The following ZNF473 variants were observed in gnomAD, a reference collection of about 807,000 sequenced individuals.
The protein encoded by ZNF473 is zinc finger protein 100 homolog.
ZNF473 carries 4 observed loss-of-function variants against 11.1 expected under a neutral mutation model. The observed-to-expected ratio is 0.36, with a 90% confidence interval of 0.18 to 0.82. The LOEUF (loss-of-function observed/expected upper bound fraction) is 0.82, where lower values mean the gene tolerates loss of function less well. Ranked by LOEUF, ZNF473 falls within the 40% of genes least tolerant of loss-of-function variation. The probability of loss-of-function intolerance (pLI) is 0.49; values close to 1 mark genes in which losing one functional copy is unlikely to be tolerated. For missense variants in ZNF473, 854 were observed against 1,084.0 expected (o/e 0.79, Z 2.98); for synonymous variants, 404 against 390.4 (o/e 1.03, Z -0.41).
intron 2 of ZNF473, among the ~76,000 whole-genome samples, chr19:50,037,945 G>A (rs1451436766): frequency 6.6e-6 from 1 of 150,860 alleles, no homozygotes; most frequent in African/African-American, 2.4e-5. Context: ...AATAAAAGGA[G>A]AGTCAAGCAT....
In ZNF473 at chr19:50,043,647, G is replaced by A. The variant is rs192620611; in HGVS notation, c.227-1023G>A. 4.6e-5 allele frequency among the ~76,000 whole-genome samples: 7 copies of A among 152,076 alleles called. No individual in the cohort carries two copies. The East Asian group carries it at 9.7e-4, about 21-fold the overall frequency. On this transcript the variant is annotated intron_variant, in intron 4 of 4. Coordinates refer to ENST00000270617, the MANE Select transcript of ZNF473 (RefSeq NM_015428.4). The stretch of plus-strand genomic sequence containing the variant: ...TGTCCTGTGAATCTTTCTCGTGGCC[G>A]CCTCTGTGGCAGTGGATGGATGAGC...
chr19:50,037,458 G>C (rs1459720165), intron 2 of ZNF473, among the ~76,000 whole-genome samples: 1 of 152,102 alleles, frequency 6.6e-6, no homozygotes, highest in Non-Finnish European at 1.5e-5. Flanking sequence ...CCTAGAGATG[G>C]GGTGTGTGGG....
At chr19:50,033,765 C>T (rs1392490817) in intron 2 of ZNF473, among the ~76,000 whole-genome samples, 1 of 152,150 alleles carries the variant, frequency 6.6e-6, no homozygotes, top group Non-Finnish European at 1.5e-5. Context: ...TGGAGGCTGC[C>T]TATATTCATT....
At chr19:50,031,147 C>T in intron 2 of ZNF473, 56 bp downstream of exon 2, 1 of 1,555,382 alleles carries the variant, frequency 6.4e-7, no homozygotes, top group Non-Finnish European at 8.7e-7. Flanking sequence ...GAAAAATTGG[C>T]CTTCCTTTGT....
chr19:50,044,311 G>A (rs112102079), intron 4 of ZNF473, among the ~76,000 whole-genome samples: 38 of 152,286 alleles, frequency 2.5e-4, no homozygotes, highest in African/African-American at 7.9e-4. Flanking sequence ...TGGGGAGAGC[G>A]GGGTGTTGTC....
At chr19:50,030,854 G>A (rs1233914796) in intron 1 of ZNF473, 38 bp from the exon 2 acceptor site, 2 of 613,960 alleles carry the variant, frequency 3.3e-6, no homozygotes, top group Non-Finnish European at 5.8e-6. Flanking sequence ...TGGGGCTGAG[G>A]TGGCTTCAGT....
rs1256933077 is a variant in ZNF473 at position 50,047,313 on chromosome 19, C to T, written c.*254C>T. ...CCTCTGCCATCTACTACCTAAGTGA[C>T]CTTGGGAAGGTCAGAAAAATCTCTC... is the stretch of plus-strand genomic sequence containing the variant. On this transcript the variant is annotated 3_prime_UTR_variant, in exon 5 of 5. Transcript: ENST00000270617. 1.2e-5 allele frequency: 5 copies of T among 410,514 alleles called. No homozygotes were observed. The highest frequency in any genetic ancestry group is 2.2e-5 in the Non-Finnish European group (5 of 224,738). 25.4% of individuals were successfully genotyped at this position (410,514 alleles called of 1,614,324 possible). A position where few individuals can be genotyped will look rare whatever the true frequency, so the allele number is the denominator to read the frequency against.
chr19:50,028,094 C>T (rs1041768095), intron 1 of ZNF473, among the ~76,000 whole-genome samples: 15 of 151,878 alleles, frequency 9.9e-5, no homozygotes, highest in Admixed American at 6.6e-5. Context: ...GTCAGGAGAT[C>T]GAGACCATCC....
At chr19:50,028,632 G>A (rs2077300689) in intron 1 of ZNF473, among the ~76,000 whole-genome samples, 1 of 152,118 alleles carries the variant, frequency 6.6e-6, no homozygotes, top group Non-Finnish European at 1.5e-5. Flanking sequence ...ACTGGTGGGG[G>A]AGCTTTAAAT....
intron 2 of ZNF473, among the ~76,000 whole-genome samples, chr19:50,037,614 A>G (rs901352951): frequency 3.3e-5 from 5 of 151,752 alleles, no homozygotes; most frequent in Admixed American, 6.6e-5. Context: ...TGAGGCCAAG[A>G]GTTCGAGACC....
rs2077314649 is a variant in ZNF473, at chr19:50,030,975, A to G, written c.-108A>G. 6.7e-7 allele frequency: 1 copy of G among 1,498,322 alleles called. No individual in the cohort carries two copies. The allele number at this position is 1,498,322 out of a possible 1,614,324, so 92.8% of individuals were successfully genotyped here. On this transcript the variant is annotated 5_prime_UTR_variant, in exon 2 of 5. Transcript: ENST00000270617. ...TGGACAGCGAGTCAGCCATGGGTGG[A>G]AGGGAGGCTTTCTCACAGCTCCCTT...
intron 2 of ZNF473, among the ~76,000 whole-genome samples, chr19:50,034,032 G>A (rs1224037999): frequency 6.6e-6 from 1 of 152,210 alleles, no homozygotes; most frequent in Non-Finnish European, 1.5e-5. Context: ...ATTCGGCCAT[G>A]ACAATCTACA....
At position 50,026,112 on chromosome 19, in the gene ZNF473, A is replaced by G. The variant is rs540636642; in HGVS notation, c.-202A>G. ...GTTGCGTCTGTTGACGCGGCCGACT[A>G]CAATCCCGAGGTACGGAGACGCTGG... On this transcript the variant is annotated 5_prime_UTR_variant, in exon 1 of 5. Coordinates refer to ENST00000270617, the MANE Select transcript of ZNF473 (RefSeq NM_015428.4). 3 of 152,790 alleles carry G rather than the reference A, an allele frequency of 2.0e-5. No homozygotes were observed. Among genetic ancestry groups the G allele is most frequent in the African/African-American group, 4.8e-5 (2 of 41,584 alleles). The allele number at this position is 152,790 out of a possible 1,614,324, so 9.5% of individuals were successfully genotyped here.
intron 2 of ZNF473, among the ~76,000 whole-genome samples, chr19:50,035,784 T>G (rs558256461): frequency 6.6e-6 from 1 of 152,094 alleles, no homozygotes; most frequent in East Asian, 1.9e-4. Context: ...ATTAGAGAGG[T>G]GGACTAACAA....
In ZNF473 at chr19:50,046,630, C is replaced by T; in HGVS notation, c.2187C>T (p.Pro729=). 6.2e-7 allele frequency: 1 copy of T among 1,614,210 alleles called. No individual in the cohort carries two copies. The highest frequency in any genetic ancestry group is 1.1e-5 in the South Asian group (1 of 91,088). Residue 729 remains proline (P), a synonymous_variant, in exon 5 of 5, where the codon CCC becomes CCT. Coordinates refer to ENST00000270617, the MANE Select transcript of ZNF473 (RefSeq NM_015428.4). The surrounding 1 kb of genome is among the most constrained non-coding windows in gnomAD (Gnocchi z 5.9). Reference sequence around the variant, plus strand: ...AGAGAATTCACTCAGGTGAGAAGCCCTATGTATGTGATTACTGCGGGAAGG... The same window carrying T: ...AGAGAATTCACTCAGGTGAGAAGCCTTATGTATGTGATTACTGCGGGAAGG... The part of the protein sequence containing the change: ...KHQRIHSGEK[P]YVCDYCGKAF...
chr19:50,028,935 G>T (rs2077302062), intron 1 of ZNF473, among the ~76,000 whole-genome samples: 1 of 152,082 alleles, frequency 6.6e-6, no homozygotes, highest in African/African-American at 2.4e-5. Flanking sequence ...TCCCATATTT[G>T]TAGTCTCAAA....
At chr19:50,041,549 T>C in intron 3 of ZNF473, 181 bp from the exon 4 acceptor site, 1 of 438,072 alleles carries the variant, frequency 2.3e-6, no homozygotes, top group Non-Finnish European at 4.1e-6. Context: ...TCTCCATCAC[T>C]GGACTGGGAA....
At position 50,046,112 on chromosome 19, in the gene ZNF473, C is replaced by A; in HGVS notation, c.1669C>A (p.Gln557Lys). The change falls in exon 5 of 5, where the codon CAG becomes AAG. Residue 557 changes from glutamine to lysine, a missense_variant. Physicochemically the swap from Gln to Lys is moderately conservative, Grantham distance 53 (BLOSUM62 1). This residue lies in a region of ZNF473 where 668 missense variants were observed against 790.2 expected (regional missense o/e 0.85). Transcript: ENST00000270617. The surrounding 1 kb of genome is among the most constrained non-coding windows in gnomAD (Gnocchi z 5.9). ...SGKILDQNPE[Q>K]KEKCFKCNKC... The stretch of plus-strand genomic sequence containing the variant: ...GAAGATCTTGGATCAGAACCCAGAA[C>A]AGAAAGAGAAGTGCTTTAAGTGTAA... 6.2e-7 allele frequency: 1 copy of A among 1,614,174 alleles called. No homozygotes were observed. The highest frequency in any genetic ancestry group is 8.5e-7 in the Non-Finnish European group (1 of 1,180,036).
At chr19:50,032,534 C>T (rs1290308695) in intron 2 of ZNF473, among the ~76,000 whole-genome samples, 3 of 152,150 alleles carry the variant, frequency 2.0e-5, no homozygotes, top group Non-Finnish European at 4.4e-5. Context: ...AGTATTTACT[C>T]TGTGCCTGTC....
Sources: allele counts gnomAD v4.1 joint callset (sites outside exome capture counted in the v4.1 genomes callset), GRCh38; gene constraint gnomAD v4.1.1; regional missense constraint gnomAD v4.1.1; non-coding constraint Gnocchi (gnomAD v3.1); transcripts MANE v1.5; gene names NCBI Gene and HGNC (gene_info 2026-07-23, HGNC 2026-07-21).